Variants in PRR16 observed in about 807,000 individuals in gnomAD.
PRR16 encodes the protein protein Largen.
PRR16 carries 6 observed loss-of-function variants against 18.2 expected under a neutral mutation model. The observed-to-expected ratio is 0.33, with a 90% CI of 0.18 to 0.65. The LOEUF is 0.65. Ranked by LOEUF, PRR16 falls within the 30% of genes least tolerant of loss-of-function variation. The pLI is 0.74. For missense variants in PRR16, 412 were observed against 376.6 expected, an observed-to-expected ratio of 1.09 and a Z score of -0.78; for synonymous variants, 151 against 147.8, an observed-to-expected ratio of 1.02 and a Z score of -0.16.
the PRR16 span, among the ~76,000 whole-genome samples, chr5:120,775,157 A>C: frequency 6.6e-6 from 1 of 152,232 alleles, no homozygotes; most frequent in African/African-American, 2.4e-5. Flanking sequence ...TTAAGAAATT[A>C]GACTTTCCAC....
chr5:120,627,084 A>G (rs964463277), intron 1 of PRR16, among the ~76,000 whole-genome samples: 3 of 152,238 alleles, frequency 2.0e-5, no homozygotes, highest in Middle Eastern at 6.8e-3. Flanking sequence ...TCAATCACCC[A>G]ATTTTATTAT....
the PRR16 span, among the ~76,000 whole-genome samples, chr5:120,792,826 C>T: frequency 6.6e-6 from 1 of 152,040 alleles, no homozygotes; most frequent in Non-Finnish European, 1.5e-5. Context: ...TACACGTTAA[C>T]AAAAAAATTA....
chr5:120,545,572 G>C (rs1017139004), intron 1 of PRR16, among the ~76,000 whole-genome samples: 1 of 151,914 alleles, frequency 6.6e-6, no homozygotes, highest in Non-Finnish European at 1.5e-5. Flanking sequence ...ACTAAATAAG[G>C]TATTTAGTGC....
In PRR16 at chr5:120,482,985, A is replaced by G. The variant is rs369679421; in HGVS notation, c.159+18340A>G. Reference sequence around the variant, plus strand: ...TGTCACTTTCATTATTTTAGAATTCAACTATATTATTGGTTATGGTAGGTT... The same window carrying G: ...TGTCACTTTCATTATTTTAGAATTCGACTATATTATTGGTTATGGTAGGTT... On this transcript the variant is annotated intron_variant, in intron 1 of 1. Transcript: ENST00000407149. Among the ~76,000 whole-genome samples, 36 of 152,266 alleles carry G rather than the reference A, an allele frequency of 2.4e-4. 3 individuals carry two copies. The East Asian group carries it at 4.3e-3, about 18-fold the overall frequency.
chr5:120,537,845 C>T (rs1246567066), intron 1 of PRR16, among the ~76,000 whole-genome samples: 2 of 140,274 alleles, frequency 1.4e-5, no homozygotes, highest in African/African-American at 2.7e-5. Context: ...GGCGGGATCT[C>T]GGCTCAATGC....
At chr5:120,546,369 G>A (rs942835282) in intron 1 of PRR16, among the ~76,000 whole-genome samples, 3 of 152,060 alleles carry the variant, frequency 2.0e-5, no homozygotes, top group African/African-American at 7.2e-5. Context: ...GCTCCATAGT[G>A]CTCCCTCCCT....
chr5:120,649,934 A>T (rs902150790), intron 1 of PRR16, among the ~76,000 whole-genome samples: 63 of 152,180 alleles, frequency 4.1e-4, no homozygotes, highest in African/African-American at 1.4e-3. Flanking sequence ...AATATTATAT[A>T]GTGTATATTT....
the PRR16 span, among the ~76,000 whole-genome samples, chr5:120,778,197 G>C: frequency 1.3e-5 from 2 of 152,038 alleles, no homozygotes; most frequent in Non-Finnish European, 2.9e-5. Flanking sequence ...AAAAAGACAG[G>C]TGGTAAGGAA....
chr5:120,763,382 C>A, the PRR16 span, among the ~76,000 whole-genome samples: 2 of 151,958 alleles, frequency 1.3e-5, no homozygotes, highest in African/African-American at 4.8e-5. Flanking sequence ...GATCAGCCTG[C>A]CTTGGACTCC....
intron 1 of PRR16, among the ~76,000 whole-genome samples, chr5:120,600,066 T>C (rs1753934284): frequency 6.6e-6 from 1 of 151,940 alleles, no homozygotes; most frequent in African/African-American, 2.4e-5. Flanking sequence ...GCATAACACT[T>C]CTGATTAAGT....
rs1447791509 is a variant in PRR16, at chr5:120,530,281, A to ATATATATATATT, written c.159+65639_159+65640insATATATATTTAT. On this transcript the variant is annotated intron_variant, in intron 1 of 1. Transcript: ENST00000407149. ...TATATATATATATATATATATATAT[A>ATATATATATATT]TATTTATTTATTTATTTATTTATTT... is the stretch of plus-strand genomic sequence containing the variant. 1.4e-3 allele frequency among the ~76,000 whole-genome samples: 127 copies of ATATATATATATT among 92,652 alleles called. 1 individual carries two copies. Among genetic ancestry groups the ATATATATATATT allele is most frequent in the African/African-American group, 5.1e-3 (118 of 23,360 alleles). The allele number at this position is 92,652 out of a possible 152,430, so 60.8% of individuals were successfully genotyped here. A position where few individuals can be genotyped will look rare whatever the true frequency, so the allele number is the denominator to read the frequency against.
the PRR16 span, among the ~76,000 whole-genome samples, chr5:120,754,254 A>T: frequency 2.0e-4 from 5 of 25,406 alleles, no homozygotes; most frequent in South Asian, 1.1e-3. Context: ...ATATTATAAT[A>T]TAAAAATATA....
At chr5:120,674,436 CA>C (rs559537279) in intron 1 of PRR16, among the ~76,000 whole-genome samples, 189 of 152,236 alleles carry the variant, frequency 1.2e-3, no homozygotes, top group African/African-American at 4.5e-3. Flanking sequence ...TTTACTTTTA[CA>C]AAAGATTATT....
chr5:120,513,357 C>T (rs1466051464), intron 1 of PRR16, among the ~76,000 whole-genome samples: 1 of 152,162 alleles, frequency 6.6e-6, no homozygotes, highest in Non-Finnish European at 1.5e-5. Context: ...TATATCCTTT[C>T]ACTGAATTCC....
rs531745521 is a variant in PRR16 at position 120,472,150 on chromosome 5, A to G, written c.159+7505A>G. On this transcript the variant is annotated intron_variant, in intron 1 of 1. Coordinates refer to ENST00000407149, the MANE Select transcript of PRR16 (RefSeq NM_001300783.2). ...TTAGGCAAATTACATACTTATGCTC[A>G]ATGACACAGTTATCATGATGTTTGG... Among the ~76,000 whole-genome samples, 7 of 152,252 alleles carry G rather than the reference A, an allele frequency of 4.6e-5. No individual in the cohort carries two copies. In the East Asian group the frequency reaches 9.6e-4, roughly 21 times the overall value.
At chr5:120,654,601 A>G (rs1038211972) in intron 1 of PRR16, among the ~76,000 whole-genome samples, 34 of 151,990 alleles carry the variant, frequency 2.2e-4, no homozygotes, top group African/African-American at 7.2e-4. Flanking sequence ...GAGGGGAAAA[A>G]TAAGAAGGAA....
the PRR16 span, among the ~76,000 whole-genome samples, chr5:120,717,109 A>T: frequency 0.021 from 3,132 of 152,278 alleles, 100 homozygotes; most frequent in African/African-American, 0.072. Flanking sequence ...TTGTTTTATT[A>T]TAATGCTGTG....
At chr5:120,543,745 A>G (rs541703635) in intron 1 of PRR16, among the ~76,000 whole-genome samples, 1 of 152,180 alleles carries the variant, frequency 6.6e-6, no homozygotes, top group South Asian at 2.1e-4. Context: ...ATTTCTGAAA[A>G]TTATGTAACT....
intron 1 of PRR16, among the ~76,000 whole-genome samples, chr5:120,484,043 G>T (rs1749708669): frequency 6.6e-6 from 1 of 151,946 alleles, no homozygotes; most frequent in Non-Finnish European, 1.5e-5. Context: ...CATACTGTCA[G>T]AGGTATGAAA....
Sources: gnomAD v4.1 joint callset for allele counts (sites outside exome capture counted in the v4.1 genomes callset) on GRCh38, gnomAD v4.1.1 for gene constraint, MANE v1.5 for transcripts, NCBI Gene and HGNC (gene_info 2026-07-23, HGNC 2026-07-21) for gene names.